Variants in MEGF11 observed in about 807,000 individuals in gnomAD.
The protein encoded by MEGF11 is multiple epidermal growth factor-like domains protein 11.
MEGF11 carries 126 observed loss-of-function variants against 146.6 expected under a neutral mutation model. The observed-to-expected ratio is 0.86, with a 90% CI of 0.74 to 1.00. The LOEUF (loss-of-function observed/expected upper bound fraction) is 1.00. MEGF11 is among the 50% of genes least tolerant of loss of function. The pLI is 0.00. For missense variants in MEGF11, 1,509 were observed against 1,521.2 expected, an observed-to-expected ratio of 0.99 and a Z score of 0.13; for synonymous variants, 532 against 583.4, an observed-to-expected ratio of 0.91 and a Z score of 1.27.
chr15:65,981,261 C>T (rs1239269556), intron 6 of MEGF11, among the ~76,000 whole-genome samples: 1 of 152,200 alleles, frequency 6.6e-6, no homozygotes, highest in Non-Finnish European at 1.5e-5. Context: ...AGGCCAAAGT[C>T]ATTGCATTAA....
At chr15:66,021,192 T>C (rs1359939238) in intron 5 of MEGF11, among the ~76,000 whole-genome samples, 1 of 152,144 alleles carries the variant, frequency 6.6e-6, no homozygotes, top group Non-Finnish European at 1.5e-5. Context: ...CCTTGTCTGG[T>C]GCTCCTGCTC....
chr15:66,100,320 C>T (rs2086737034), intron 4 of MEGF11, among the ~76,000 whole-genome samples: 2 of 152,164 alleles, frequency 1.3e-5, no homozygotes, highest in South Asian at 4.1e-4. Flanking sequence ...TGACCCTTCC[C>T]CTAAAGAGCA....
chr15:66,152,841 T>C (rs1197540159), intron 1 of MEGF11, among the ~76,000 whole-genome samples: 1 of 152,208 alleles, frequency 6.6e-6, no homozygotes, highest in Non-Finnish European at 1.5e-5. Context: ...GCCCAGGACA[T>C]GGCCCCAGGA....
rs796411290 is a variant in MEGF11 at position 65,896,524 on chromosome 15, T to C, written c.*1410A>G. 2 of 152,690 alleles carry C rather than the reference T, an allele frequency of 1.3e-5. No individual in the cohort carries two copies. Among genetic ancestry groups the C allele is most frequent in the Non-Finnish European group, 2.9e-5 (2 of 68,046 alleles). 9.5% of individuals were successfully genotyped at this position (152,690 alleles called of 1,614,324 possible). A position where few individuals can be genotyped will look rare whatever the true frequency, so the allele number is the denominator to read the frequency against. On this transcript the variant is annotated 3_prime_UTR_variant, in exon 26 of 26. Coordinates refer to ENST00000395614, the MANE Select transcript of MEGF11 (RefSeq NM_001385028.1). ...TGGAAGTGTTTTTTACTGGCTGGAC[T>C]GTACCAGTGAATAGAGTGGTACAGG...
chr15:65,946,641 C>T (rs1259721767), intron 10 of MEGF11, among the ~76,000 whole-genome samples: 2 of 152,232 alleles, frequency 1.3e-5, no homozygotes, highest in African/African-American at 4.8e-5. Context: ...GATCCACCCA[C>T]TTCGGCCTCC....
In MEGF11 at chr15:66,119,115, C is replaced by A; in HGVS notation, c.272G>T (p.Gly91Val). ...GCAGAAGTCTCCGCTCTCATAGTAGCCAGGGCAGCACTGGGACCTCCGCCG... is the reference window on the plus strand; with the variant it reads ...GCAGAAGTCTCCGCTCTCATAGTAGACAGGGCAGCACTGGGACCTCCGCCG... The part of the protein sequence containing the change: ...MYRRRSQCCP[G>V]YYESGDFCIP... Residue 91 changes from glycine (G) to valine (V), a missense_variant, in exon 4 of 26, where the codon GGC becomes GTC. By Grantham distance (109) the Gly-to-Val change is moderately radical. Coordinates refer to ENST00000395614, the MANE Select transcript of MEGF11 (RefSeq NM_001385028.1). 6.4e-7 allele frequency: 1 copy of A among 1,551,436 alleles called. No individual in the cohort carries two copies. Among genetic ancestry groups the A allele is most frequent in the Non-Finnish European group, 8.7e-7 (1 of 1,146,942 alleles).
chr15:66,211,339 C>A (rs190530785), intron 1 of MEGF11, among the ~76,000 whole-genome samples: 19 of 151,938 alleles, frequency 1.3e-4, no homozygotes, highest in Non-Finnish European at 2.5e-4. Context: ...TTGGCTAACA[C>A]GGTGAAACCC....
At chr15:66,162,684 A>G (rs74019507) in intron 1 of MEGF11, among the ~76,000 whole-genome samples, 1 of 152,210 alleles carries the variant, frequency 6.6e-6, no homozygotes, top group Non-Finnish European at 1.5e-5. Flanking sequence ...GCCTTCTAGG[A>G]TGATAAAAAT....
chr15:66,060,642 C>A (rs909175477), intron 5 of MEGF11, among the ~76,000 whole-genome samples: 1 of 152,214 alleles, frequency 6.6e-6, no homozygotes, highest in Non-Finnish European at 1.5e-5. Context: ...ACTTGGCCCC[C>A]CCGCCATGGC....
At chr15:65,968,567 CTTTTT>C (rs917215311) in intron 8 of MEGF11, among the ~76,000 whole-genome samples, 21 of 150,082 alleles carry the variant, frequency 1.4e-4, no homozygotes, top group African/African-American at 4.9e-4. Context: ...TAATCAGCCT[CTTTTT>C]TTTTTCCCTA....
chr15:66,151,428 GGACAC>G (rs2089569063), intron 1 of MEGF11, among the ~76,000 whole-genome samples: 1 of 152,124 alleles, frequency 6.6e-6, no homozygotes, highest in Non-Finnish European at 1.5e-5. Context: ...TGTGGGGTTG[GGACAC>G]TGGCTCCAAG....
At chr15:66,086,450 A>T (rs1162231153) in intron 5 of MEGF11, among the ~76,000 whole-genome samples, 1 of 152,236 alleles carries the variant, frequency 6.6e-6, no homozygotes, top group Non-Finnish European at 1.5e-5. Context: ...CTATCAGATT[A>T]ATGGCAGATT....
chr15:66,127,769 G>A (rs906471345), intron 2 of MEGF11, among the ~76,000 whole-genome samples: 1 of 152,150 alleles, frequency 6.6e-6, no homozygotes, highest in Non-Finnish European at 1.5e-5. Flanking sequence ...AATGCAGCCC[G>A]CTCTTCCGCT....
chr15:65,922,732 C>G (rs1293246199), intron 14 of MEGF11, 91 bp downstream of exon 14: 52 of 1,469,932 alleles, frequency 3.5e-5, no homozygotes, highest in Non-Finnish European at 4.8e-5. Flanking sequence ...TTCAAGAGCC[C>G]AGCCTCTCTC....
chr15:66,036,768 G>C (rs1252532660), intron 5 of MEGF11, among the ~76,000 whole-genome samples: 4 of 152,170 alleles, frequency 2.6e-5, no homozygotes, highest in African/African-American at 7.2e-5. Context: ...AATTCAGATT[G>C]GTACCCAGCT....
At chr15:66,135,523 G>A (rs2088849257) in intron 1 of MEGF11, among the ~76,000 whole-genome samples, 1 of 152,194 alleles carries the variant, frequency 6.6e-6, no homozygotes, top group Non-Finnish European at 1.5e-5. Flanking sequence ...TTAATTCAAA[G>A]CACCGAGGCC....
chr15:65,924,909 G>T lies in MEGF11; in HGVS notation c.1676-1940C>A, dbSNP rs1365477998. 2.0e-5 allele frequency among the ~76,000 whole-genome samples: 3 copies of T among 152,130 alleles called. No homozygotes were observed. In the East Asian group the frequency reaches 5.8e-4, roughly 29 times the overall value. ...CTCCCAAAGTGCTGGGATTACAGTCGTGAGCCACTGTGCTGGCCTAGGATT... is the reference window on the plus strand; with the variant it reads ...CTCCCAAAGTGCTGGGATTACAGTCTTGAGCCACTGTGCTGGCCTAGGATT... On this transcript the variant is annotated intron_variant, in intron 13 of 25. Transcript: ENST00000395614.
At chr15:66,100,370 C>A (rs1439029750) in intron 4 of MEGF11, among the ~76,000 whole-genome samples, 3 of 152,158 alleles carry the variant, frequency 2.0e-5, no homozygotes, top group African/African-American at 7.2e-5. Flanking sequence ...CTCTCTCCGG[C>A]ACCCCATAGA....
At position 65,912,216 on chromosome 15, in the gene MEGF11, G is replaced by C. The variant is rs957300687; in HGVS notation, c.2711-16C>G. On this transcript the variant is annotated splice_polypyrimidine_tract_variant and intron_variant, in intron 20 of 25. Transcript: ENST00000395614. ...TGAGACAAATCTGGGAAGAGAACAA[G>C]GTGCCACATACCATCATACCCCTGC... 2.5e-6 allele frequency: 3 copies of C among 1,221,574 alleles called. No individual in the cohort carries two copies. Among genetic ancestry groups the C allele is most frequent in the Non-Finnish European group, 3.1e-6 (3 of 978,420 alleles). 75.7% of individuals were successfully genotyped at this position (1,221,574 alleles called of 1,614,324 possible).
Sources: allele counts gnomAD v4.1 joint callset (sites outside exome capture counted in the v4.1 genomes callset), GRCh38; gene constraint gnomAD v4.1.1; transcripts MANE v1.5; gene names NCBI Gene and HGNC (gene_info 2026-07-23, HGNC 2026-07-21).